GDA: variants seen among roughly 807,000 people sequenced by gnomAD.
The protein encoded by GDA is guanine deaminase.
In GDA, 18 loss-of-function variants were observed where a neutral mutation model predicts 59.6. That is an observed-to-expected ratio of 0.30 (90% CI 0.21 to 0.45). The LOEUF is 0.45. Among genes scored for constraint, GDA ranks in the 20% least tolerant of loss-of-function variants. The probability of loss-of-function intolerance (pLI) is 1.00; values close to 1 mark genes in which losing one functional copy is unlikely to be tolerated. For missense variants in GDA, 427 were observed against 552.3 expected (o/e 0.77, Z 2.27); for synonymous variants, 201 against 201.1 (o/e 1.00, Z 0.00).
intron 5 of GDA, among the ~76,000 whole-genome samples, chr9:72,214,442 C>A (rs1040173757): frequency 2.0e-5 from 3 of 152,024 alleles, no homozygotes; most frequent in Non-Finnish European, 4.4e-5. Flanking sequence ...ACTATAGGTG[C>A]ATGCCACCAC....
At position 72,248,919 on chromosome 9, in the gene GDA, A is replaced by C. The variant is rs1587814766; in HGVS notation, c.*577A>C. On this transcript the variant is annotated 3_prime_UTR_variant, in exon 14 of 14. Coordinates refer to ENST00000358399, the MANE Select transcript of GDA (RefSeq NM_004293.5). ...CCTTGTGTTTTAGAAATTTGCACTT[A>C]ATGGAATTTGCATTTCAGAGATGTG... 1 of 985,992 alleles carries C rather than the reference A, an allele frequency of 1.0e-6. No homozygotes were observed. The highest frequency in any genetic ancestry group is 1.2e-6 in the Non-Finnish European group (1 of 829,988). 61.1% of individuals were successfully genotyped at this position (985,992 alleles called of 1,614,324 possible).
intron 2 of GDA, 27 bp downstream of exon 2, chr9:72,195,615 TG>T (rs1833080996): frequency 1.0e-6 from 1 of 996,498 alleles, no homozygotes; most frequent in African/African-American, 1.6e-5. Flanking sequence ...TCCCTTTTAC[TG>T]GGTGCCACTA....
At chr9:72,217,916 T>G (rs186217398) in intron 5 of GDA, among the ~76,000 whole-genome samples, 1 of 152,034 alleles carries the variant, frequency 6.6e-6, no homozygotes, top group Non-Finnish European at 1.5e-5. Flanking sequence ...TTATTTTCTA[T>G]TTTTTATTTT....
chr9:72,172,874 G>A (rs1052065722), intron 1 of GDA, among the ~76,000 whole-genome samples: 1 of 151,756 alleles, frequency 6.6e-6, no homozygotes, highest in Admixed American at 6.6e-5. Context: ...ATTTATTTGA[G>A]TGCCTTTATA....
Position 72,250,112 on chromosome 9 carries a change from A to C in GDA, c.*1770A>C, listed in dbSNP as rs1840542298. ...GAGCCACGTCAAAGATGCCTTGCCA[A>C]ATTTCTCCCCATTTCTCTACGGGGC... is the stretch of plus-strand genomic sequence containing the variant. On this transcript the variant is annotated 3_prime_UTR_variant, in exon 14 of 14. Coordinates refer to ENST00000358399, the MANE Select transcript of GDA (RefSeq NM_004293.5). 1 of 985,200 alleles carries C rather than the reference A, an allele frequency of 1.0e-6. No homozygotes were observed. The highest frequency in any genetic ancestry group is 1.2e-6 in the Non-Finnish European group (1 of 829,770). The allele number at this position is 985,200 out of a possible 1,614,324, so 61.0% of individuals were successfully genotyped here. A position where few individuals can be genotyped will look rare whatever the true frequency, so the allele number is the denominator to read the frequency against.
rs1162465909 is a variant in GDA, at chr9:72,223,135, C to T, written c.622C>T (p.Pro208Ser). The part of the protein sequence containing the change: ...MLQKNYSRVK[P>S]IVTPRFSLSC... ...TTATCTCCAGTATTCTAGAGTGAAGCCCATAGTGACACCACGTTTTTCCCT... is the reference window on the plus strand; with the variant it reads ...TTATCTCCAGTATTCTAGAGTGAAGTCCATAGTGACACCACGTTTTTCCCT... Residue 208 changes from proline (P) to serine (S), a missense_variant, in exon 7 of 14, where the codon CCC (proline) becomes TCC (serine). Coordinates refer to ENST00000358399, the MANE Select transcript of GDA (RefSeq NM_004293.5). 6.3e-7 allele frequency: 1 copy of T among 1,587,432 alleles called. No homozygotes were observed. Among genetic ancestry groups the T allele is most frequent in the South Asian group, 1.1e-5 (1 of 90,450 alleles).
intron 9 of GDA, among the ~76,000 whole-genome samples, chr9:72,230,752 C>T (rs1327938773): frequency 6.6e-6 from 1 of 152,070 alleles, no homozygotes; most frequent in Non-Finnish European, 1.5e-5. Context: ...ATAATTTCTG[C>T]TTCCTAACAT....
chr9:72,223,945 T>A (rs1029784930), intron 7 of GDA, among the ~76,000 whole-genome samples: 1 of 152,180 alleles, frequency 6.6e-6, no homozygotes, highest in Non-Finnish European at 1.5e-5. Context: ...AATCAGTGTT[T>A]TTTTGGTTTT....
intron 1 of GDA, among the ~76,000 whole-genome samples, chr9:72,182,676 A>G (rs1327274700): frequency 6.6e-6 from 1 of 152,188 alleles, no homozygotes; most frequent in African/African-American, 2.4e-5. Context: ...ACAAATTTTC[A>G]CCCACTAGTT....
chr9:72,211,792 G>C (rs1453329939), intron 4 of GDA, among the ~76,000 whole-genome samples: 1 of 152,190 alleles, frequency 6.6e-6, no homozygotes, highest in Non-Finnish European at 1.5e-5. Context: ...TTTAACTAGA[G>C]GAGTGGATTC....
chr9:72,177,922 T>G (rs1221678574), intron 1 of GDA, among the ~76,000 whole-genome samples: 2 of 152,258 alleles, frequency 1.3e-5, no homozygotes, highest in African/African-American at 4.8e-5. Flanking sequence ...TATGGTTAGC[T>G]GTATAATTAC....
chr9:72,145,546 T>G (rs1183891643), upstream of GDA, among the ~76,000 whole-genome samples: 1 of 152,206 alleles, frequency 6.6e-6, no homozygotes, highest in African/African-American at 2.4e-5. Flanking sequence ...CAAAAAGGAC[T>G]GACTGACTAA....
chr9:72,189,498 T>C (rs1280482753), intron 1 of GDA, among the ~76,000 whole-genome samples: 1 of 152,116 alleles, frequency 6.6e-6, no homozygotes, highest in African/African-American at 2.4e-5. Flanking sequence ...GACTTTTGAA[T>C]TGATGCTGGA....
rs549820854 is a variant in GDA, at chr9:72,213,855, C to G, written c.473-31C>G. On this transcript the variant is annotated intron_variant, in intron 4 of 13. Coordinates refer to ENST00000358399, the MANE Select transcript of GDA (RefSeq NM_004293.5). ...AAGTACTGTTTCAGAAACAAACATGCCTTCATATTCTTTTTGTGTATACTT... is the reference window on the plus strand; with the variant it reads ...AAGTACTGTTTCAGAAACAAACATGGCTTCATATTCTTTTTGTGTATACTT... 1.2e-4 allele frequency: 133 copies of G among 1,133,286 alleles called. No individual in the cohort carries two copies. In the South Asian group the frequency reaches 1.5e-3, roughly 13 times the overall value. 70.2% of individuals were successfully genotyped at this position (1,133,286 alleles called of 1,614,324 possible). A position where few individuals can be genotyped will look rare whatever the true frequency, so the allele number is the denominator to read the frequency against.
chr9:72,248,365 T>C lies in GDA; in HGVS notation c.*23T>C. 1 of 1,613,442 alleles carries C rather than the reference T, an allele frequency of 6.2e-7. No homozygotes were observed. The highest frequency in any genetic ancestry group is 8.5e-7 in the Non-Finnish European group (1 of 1,179,520). On this transcript the variant is annotated 3_prime_UTR_variant, in exon 14 of 14. Coordinates refer to ENST00000358399, the MANE Select transcript of GDA (RefSeq NM_004293.5). ...TAAGACCCTCGGGCGTCTACAAAGT[T>C]CTCCTGGGATTAGCGTGGTTCTGCA...
chr9:72,223,805 T>A (rs1837205214), intron 7 of GDA, among the ~76,000 whole-genome samples: 1 of 152,168 alleles, frequency 6.6e-6, no homozygotes. Flanking sequence ...GGGTTAAAAT[T>A]GAGAGTTCCC....
chr9:72,125,294 CCTTT>C (rs1448171610), intron 1 of GDA, among the ~76,000 whole-genome samples: 4 of 152,026 alleles, frequency 2.6e-5, no homozygotes, highest in African/African-American at 9.6e-5. Context: ...TTCATTCCTT[CCTTT>C]CTTCCTTCCT....
intron 12 of GDA, 26 bp downstream of exon 12, chr9:72,245,304 G>A: frequency 1.9e-6 from 3 of 1,570,664 alleles, no homozygotes; most frequent in Non-Finnish European, 2.6e-6. Context: ...TTAATCAAAA[G>A]GCATTTATTT....
chr9:72,117,429 T>C (rs961312981), intron 1 of GDA, among the ~76,000 whole-genome samples: 1 of 152,072 alleles, frequency 6.6e-6, no homozygotes, highest in Admixed American at 6.6e-5. Flanking sequence ...TTTCTCCCCA[T>C]CTCCCAATGA....
Sources: allele counts gnomAD v4.1 joint callset (sites outside exome capture counted in the v4.1 genomes callset), GRCh38; gene constraint gnomAD v4.1.1; transcripts MANE v1.5; gene names NCBI Gene and HGNC (gene_info 2026-07-23, HGNC 2026-07-21).